TSC22D3: variants seen among roughly 807,000 people sequenced by gnomAD.
The protein encoded by TSC22D3 is TSC22 domain family protein 3.
In TSC22D3, 4 loss-of-function variants were observed where a neutral mutation model predicts 11.1. The ratio of observed to expected loss-of-function variants is 0.36; its 90% CI spans 0.18 to 0.83. The LOEUF (loss-of-function observed/expected upper bound fraction) is 0.83. TSC22D3 is among the 40% of genes least tolerant of loss of function. The probability of loss-of-function intolerance (pLI) is 0.48; values close to 1 mark genes in which losing one functional copy is unlikely to be tolerated. For missense variants in TSC22D3, 118 were observed against 159.4 expected (o/e 0.74, Z 1.40); for synonymous variants, 77 against 70.3 (o/e 1.10, Z -0.48).
In TSC22D3 at chrX:107,754,860, C is replaced by T. The variant is rs182624945; in HGVS notation, c.320+20240G>A. Among the ~76,000 whole-genome samples, 538 of 111,971 alleles carry T rather than the reference C, an allele frequency of 4.8e-3. 3 individuals are homozygous for T. The highest frequency in any genetic ancestry group is 0.023 in the Admixed American group (240 of 10,521). On this transcript the variant is annotated intron_variant, in intron 1 of 2. Coordinates refer to ENST00000372383, the MANE Select transcript of TSC22D3 (RefSeq NM_198057.3). ...TTTTTCGTGAAAAATCAGACCTTGGCGATAACCTTGAGCAGTAGGATATAA... is the reference window on the plus strand; with the variant it reads ...TTTTTCGTGAAAAATCAGACCTTGGTGATAACCTTGAGCAGTAGGATATAA...
intron 1 of TSC22D3, among the ~76,000 whole-genome samples, chrX:107,760,494 C>T (rs1569454019): frequency 8.9e-6 from 1 of 112,085 alleles, no homozygotes; most frequent in East Asian, 2.8e-4. Flanking sequence ...CAGGTACCCA[C>T]CCCACATTGG....
At chrX:107,736,323 C>G (rs1175493841) in intron 1 of TSC22D3, among the ~76,000 whole-genome samples, 1 of 111,668 alleles carries the variant, frequency 9.0e-6, no homozygotes, top group Non-Finnish European at 1.9e-5. Flanking sequence ...GAATTGGGAA[C>G]AGGATCTTGG....
chrX:107,729,702 C>T (rs921149457), intron 1 of TSC22D3, among the ~76,000 whole-genome samples: 6 of 112,543 alleles, frequency 5.3e-5, no homozygotes, highest in African/African-American at 1.6e-4. Context: ...TCTCCACCCC[C>T]GGGGCCCTGT....
intron 1 of TSC22D3, among the ~76,000 whole-genome samples, chrX:107,738,684 AG>A (rs1375598834): frequency 8.9e-6 from 1 of 112,905 alleles, no homozygotes; most frequent in African/African-American, 3.2e-5. Flanking sequence ...ACCTAGGTAA[AG>A]GGAGGGGGAG....
intron 1 of TSC22D3, among the ~76,000 whole-genome samples, chrX:107,724,150 T>C (rs985954390): frequency 8.9e-6 from 1 of 112,885 alleles, no homozygotes; most frequent in African/African-American, 3.2e-5. Context: ...AAAGGGCCTC[T>C]GGCTCTCCAG....
At chrX:107,735,619 C>T (rs775735769) in intron 1 of TSC22D3, among the ~76,000 whole-genome samples, 1 of 110,664 alleles carries the variant, frequency 9.0e-6, no homozygotes, top group Non-Finnish European at 1.9e-5. Flanking sequence ...GCCCTCCAAC[C>T]AAACCCTCTC....
chrX:107,748,886 C>A (rs2147768321), intron 1 of TSC22D3, among the ~76,000 whole-genome samples: 1 of 112,000 alleles, frequency 8.9e-6, no homozygotes, highest in African/African-American at 3.2e-5. Context: ...AAGCAGAGTG[C>A]CAACCTGTCT....
At chrX:107,726,478 T>C (rs972457093) in intron 1 of TSC22D3, among the ~76,000 whole-genome samples, 3 of 112,032 alleles carry the variant, frequency 2.7e-5, no homozygotes, top group Admixed American at 9.5e-5. Flanking sequence ...CTGGAAATTC[T>C]TAGTGCCAGC....
At chrX:107,716,559 C>T in intron 1 of TSC22D3, 1 of 856,037 alleles carries the variant, frequency 1.2e-6, no homozygotes, top group Non-Finnish European at 1.4e-6. Flanking sequence ...CTCCCCCCCG[C>T]CCCTTCCCAG....
chrX:107,720,624 C>T (rs940793864), intron 1 of TSC22D3, among the ~76,000 whole-genome samples: 17 of 111,167 alleles, frequency 1.5e-4, no homozygotes, highest in Middle Eastern at 9.2e-3. Flanking sequence ...ACCCGCGAGG[C>T]GGAGGTTGCA....
intron 1 of TSC22D3, among the ~76,000 whole-genome samples, chrX:107,742,792 A>G (rs1366251650): frequency 9.0e-6 from 1 of 111,673 alleles, no homozygotes; most frequent in Non-Finnish European, 1.9e-5. Flanking sequence ...CAGCCCACGC[A>G]CGTCCTCCCT....
intron 1 of TSC22D3, among the ~76,000 whole-genome samples, chrX:107,772,270 G>A (rs1354791385): frequency 9.0e-6 from 1 of 111,632 alleles, no homozygotes; most frequent in Non-Finnish European, 1.9e-5. Flanking sequence ...CAGCAGGAGA[G>A]GCCTTGAAAG....
chrX:107,716,253 A>G (rs1927020377), intron 1 of TSC22D3: 1 of 921,032 alleles, frequency 1.1e-6, no homozygotes, highest in African/African-American at 2.0e-5. Context: ...TATGCAAACA[A>G]TGGGGCTGTG....
chrX:107,731,907 A>G (rs1039128030), intron 1 of TSC22D3, among the ~76,000 whole-genome samples: 10 of 109,917 alleles, frequency 9.1e-5, no homozygotes, highest in African/African-American at 3.3e-4. Context: ...AGGGCAGGGT[A>G]GGTCAGGAGG....
chrX:107,753,595 A>G (rs998940453), intron 1 of TSC22D3, among the ~76,000 whole-genome samples: 3 of 111,709 alleles, frequency 2.7e-5, no homozygotes, highest in East Asian at 5.6e-4. Context: ...TGTCTCCCCA[A>G]GTCAAACTAG....
upstream of TSC22D3, chrX:107,775,918 G>C (rs978693159): frequency 8.7e-6 from 1 of 114,366 alleles, no homozygotes; most frequent in African/African-American, 3.2e-5. Context: ...ACGGCTGAGC[G>C]GTGGCAGGAG....
chrX:107,715,161 T>C (rs965756666), intron 2 of TSC22D3, among the ~76,000 whole-genome samples: 1 of 111,909 alleles, frequency 8.9e-6, no homozygotes, highest in Non-Finnish European at 1.9e-5. Flanking sequence ...ATGCATCCCA[T>C]ACTGTTTGTC....
intron 1 of TSC22D3, chrX:107,716,966 G>A: frequency 7.6e-6 from 8 of 1,056,427 alleles, no homozygotes; most frequent in African/African-American, 1.9e-5. Flanking sequence ...CGAACCCAAA[G>A]CCAAGCAGGC....
chrX:107,718,044 G>T (rs1461038889), intron 1 of TSC22D3, among the ~76,000 whole-genome samples: 1 of 111,977 alleles, frequency 8.9e-6, no homozygotes, highest in Non-Finnish European at 1.9e-5. Context: ...CCTGTGATGG[G>T]CCCAGCCATG....
Sources: allele counts gnomAD v4.1 joint callset (sites outside exome capture counted in the v4.1 genomes callset), GRCh38; gene constraint gnomAD v4.1.1; transcripts MANE v1.5; gene names NCBI Gene and HGNC (gene_info 2026-07-23, HGNC 2026-07-21).